Variants in CREBBP observed in about 807,000 individuals in gnomAD.
CREBBP encodes CREB-binding protein.
In CREBBP, 19 loss-of-function variants were observed where a neutral mutation model predicts 265.0. The observed-to-expected ratio is 0.07, with a 90% CI of 0.05 to 0.11. CREBBP has a LOEUF of 0.11. Among genes scored for constraint, CREBBP ranks in the 10% least tolerant of loss-of-function variants. The probability of loss-of-function intolerance (pLI) is 1.00; values close to 1 mark genes in which losing one functional copy is unlikely to be tolerated. For missense variants in CREBBP, 2,525 were observed against 3,219.0 expected, an observed-to-expected ratio of 0.78 and a Z score of 5.22; for synonymous variants, 1,457 against 1,223.7, an observed-to-expected ratio of 1.19 and a Z score of -3.98.
rs1474717367 is a variant in CREBBP at position 3,726,145 on chromosome 16, A to AC, written c.*1572dup. 4.3e-6 allele frequency: 1 copy of AC among 231,178 alleles called. No individual in the cohort carries two copies. Among genetic ancestry groups the AC allele is most frequent in the African/African-American group, 2.2e-5 (1 of 45,106 alleles). 14.3% of individuals were successfully genotyped at this position (231,178 alleles called of 1,614,324 possible). On this transcript the variant is annotated 3_prime_UTR_variant, in exon 31 of 31. Transcript: ENST00000262367. Reference sequence around the variant, plus strand: ...AGCATTTCCTCAAACGCCACACGGGACATGCTGCGCGGCAGCGGCAGGATT... The same window carrying AC: ...AGCATTTCCTCAAACGCCACACGGGACCATGCTGCGCGGCAGCGGCAGGATT...
In CREBBP at chr16:3,740,434, G is replaced by C. The variant is rs2151340118; in HGVS notation, c.4098C>G (p.Asp1366Glu). The C allele has an allele frequency of 6.2e-7, 1 of 1,614,188 alleles. No homozygotes were observed. The change falls in exon 24 of 31, where the codon GAC becomes GAG. Residue 1366 changes from aspartate to glutamate, a missense_variant. Coordinates refer to ENST00000262367, the MANE Select transcript of CREBBP (RefSeq NM_004380.3). ...EVFVRVVASS[D>E]KTVEVKPGMK... ...TCCCGGGCTTGACCTCCACCGTCTT[G>C]TCTGAGCTGGCCACCACTCGGACAA...
At chr16:3,749,367 T>A (rs1000620881) in intron 21 of CREBBP, among the ~76,000 whole-genome samples, 1 of 152,242 alleles carries the variant, frequency 6.6e-6, no homozygotes, top group East Asian at 1.9e-4. Flanking sequence ...GACCAAATTA[T>A]TAGAGAGGTT....
At chr16:3,808,159 G>T (rs535410325) in intron 3 of CREBBP, among the ~76,000 whole-genome samples, 6 of 149,342 alleles carry the variant, frequency 4.0e-5, no homozygotes, top group African/African-American at 1.5e-4. Context: ...TGAAAGAAGG[G>T]GGGGGCAGCG....
chr16:3,753,174 C>G (rs1318179706), intron 19 of CREBBP, among the ~76,000 whole-genome samples: 4 of 152,214 alleles, frequency 2.6e-5, no homozygotes, highest in Non-Finnish European at 5.9e-5. Flanking sequence ...GACGCGGCAG[C>G]TGCAGTCTCA....
intron 16 of CREBBP, among the ~76,000 whole-genome samples, chr16:3,760,269 T>G (rs1224669276): frequency 6.6e-6 from 1 of 151,842 alleles, no homozygotes; most frequent in Non-Finnish European, 1.5e-5. Context: ...TTTTTAAATT[T>G]TTTATGGAGA....
chr16:3,857,036 C>T (rs1234540548), intron 1 of CREBBP, among the ~76,000 whole-genome samples: 1 of 152,158 alleles, frequency 6.6e-6, no homozygotes, highest in African/African-American at 2.4e-5. Context: ...TTCATCTCTG[C>T]ATCTTCATAC....
At chr16:3,767,087 C>A (rs751470564) in intron 16 of CREBBP, among the ~76,000 whole-genome samples, 13 of 152,242 alleles carry the variant, frequency 8.5e-5, no homozygotes, top group African/African-American at 2.9e-4. Context: ...TTTTCTGATA[C>A]CCTGTTATCT....
intron 3 of CREBBP, among the ~76,000 whole-genome samples, chr16:3,802,272 C>T (rs1423358580): frequency 2.6e-5 from 4 of 151,650 alleles, no homozygotes; most frequent in Non-Finnish European, 5.9e-5. Flanking sequence ...GCTGGACTTA[C>T]AGACGTGTGC....
intron 12 of CREBBP, 110 bp from the exon 13 acceptor site, chr16:3,774,040 C>T: frequency 8.4e-7 from 1 of 1,184,032 alleles, no homozygotes; most frequent in Non-Finnish European, 1.2e-6. Flanking sequence ...ATGGCAAGCA[C>T]AGGGCTCACA....
chr16:3,807,798 GCT>G (rs2053859305), intron 3 of CREBBP, among the ~76,000 whole-genome samples: 1 of 152,216 alleles, frequency 6.6e-6, no homozygotes, highest in Non-Finnish European at 1.5e-5. Context: ...GACCATGTGT[GCT>G]GGTACCCCAC....
chr16:3,825,068 G>T (rs1336639451), intron 2 of CREBBP, among the ~76,000 whole-genome samples: 1 of 152,156 alleles, frequency 6.6e-6, no homozygotes, highest in Non-Finnish European at 1.5e-5. Flanking sequence ...ACATGAGACA[G>T]GATTCTATAA....
intron 2 of CREBBP, among the ~76,000 whole-genome samples, chr16:3,835,030 C>T (rs1183465115): frequency 1.3e-5 from 2 of 151,928 alleles, no homozygotes; most frequent in East Asian, 1.9e-4. Context: ...TGGTGGCAGG[C>T]GCCTGTAGTT....
chr16:3,751,540 C>T (rs563001688), intron 20 of CREBBP, among the ~76,000 whole-genome samples, 186 bp downstream of exon 20: 1 of 152,118 alleles, frequency 6.6e-6, no homozygotes, highest in East Asian at 1.9e-4. Flanking sequence ...TGCAGTGAGT[C>T]GAGATAGTGC....
intron 28 of CREBBP, among the ~76,000 whole-genome samples, chr16:3,733,619 A>G (rs2051975896): frequency 6.6e-6 from 1 of 152,112 alleles, no homozygotes; most frequent in African/African-American, 2.4e-5. Context: ...TCTGTGCTCA[A>G]TTTTTGTGTC....
intron 1 of CREBBP, among the ~76,000 whole-genome samples, chr16:3,859,266 C>G (rs2055024901): frequency 6.6e-6 from 1 of 151,816 alleles, no homozygotes; most frequent in African/African-American, 2.4e-5. Context: ...GATCTTGGCT[C>G]ACTGCAGCCT....
intron 1 of CREBBP, among the ~76,000 whole-genome samples, chr16:3,879,623 T>C (rs969374775): frequency 2.6e-5 from 4 of 151,814 alleles, no homozygotes; most frequent in Non-Finnish European, 5.9e-5. Context: ...GGAGGCCGAG[T>C]GCACCGGGCG....
At position 3,803,055 on chromosome 16, in the gene CREBBP, C is replaced by G. The variant is rs568479727; in HGVS notation, c.975+7548G>C. On this transcript the variant is annotated intron_variant, in intron 3 of 30. Coordinates refer to ENST00000262367, the MANE Select transcript of CREBBP (RefSeq NM_004380.3). ...ACACAGCTGCCAACCTGGGAAGAAG[C>G]GATAATCACCTCAGAGGTGATAAAC... 1.6e-4 allele frequency among the ~76,000 whole-genome samples: 24 copies of G among 151,746 alleles called. No individual in the cohort carries two copies. The South Asian group carries it at 5.0e-3, about 32-fold the overall frequency.
At chr16:3,819,566 G>A (rs2054103756) in intron 2 of CREBBP, among the ~76,000 whole-genome samples, 1 of 152,156 alleles carries the variant, frequency 6.6e-6, no homozygotes, top group Admixed American at 6.5e-5. Context: ...TGGGATTACT[G>A]GCATTTGGAT....
chr16:3,737,172 C>G (rs1475425749), intron 26 of CREBBP, among the ~76,000 whole-genome samples: 1 of 152,172 alleles, frequency 6.6e-6, no homozygotes, highest in Non-Finnish European at 1.5e-5. Context: ...GACTATTTTT[C>G]TCCAAGGGTC....
Sources: gnomAD v4.1 joint callset for allele counts (sites outside exome capture counted in the v4.1 genomes callset) on GRCh38, gnomAD v4.1.1 for gene constraint, MANE v1.5 for transcripts, NCBI Gene and HGNC (gene_info 2026-07-23, HGNC 2026-07-21) for gene names.